The following ADGRA1 variants were observed in gnomAD, a reference collection of about 807,000 sequenced individuals.
ADGRA1 encodes the protein G-protein coupled receptor 123.
ADGRA1 carries 12 observed loss-of-function variants against 21.3 expected under a neutral mutation model. The observed-to-expected ratio is 0.56, with a 90% confidence interval of 0.36 to 0.91. ADGRA1 has a LOEUF of 0.91. ADGRA1 is among the 40% of genes least tolerant of loss of function. ADGRA1 has a pLI of 0.01. For missense variants in ADGRA1, 790 were observed against 805.6 expected (o/e 0.98, Z 0.23); for synonymous variants, 385 against 368.8 (o/e 1.04, Z -0.50).
At chr10:133,110,107 C>T (rs2135887007) in intron 5 of ADGRA1, among the ~76,000 whole-genome samples, 1 of 152,376 alleles carries the variant, frequency 6.6e-6, no homozygotes, top group East Asian at 1.9e-4. Flanking sequence ...AGGGAAAAGA[C>T]ATCCAGCAGG....
intron 2 of ADGRA1, among the ~76,000 whole-genome samples, chr10:133,089,433 G>A (rs1451106731): frequency 6.6e-6 from 1 of 152,274 alleles, no homozygotes; most frequent in African/African-American, 2.4e-5. Flanking sequence ...TGTTTCAGCG[G>A]GAAGGGGCTC....
chr10:133,095,470 G>C (rs113990831), intron 2 of ADGRA1, among the ~76,000 whole-genome samples: 42 of 152,348 alleles, frequency 2.8e-4, no homozygotes, highest in African/African-American at 1.0e-3. Context: ...TGTCACTCCA[G>C]CTCTGCGGCC....
intron 5 of ADGRA1, among the ~76,000 whole-genome samples, chr10:133,121,939 G>C (rs1179750653): frequency 6.6e-6 from 1 of 151,162 alleles, no homozygotes; most frequent in Non-Finnish European, 1.5e-5. Context: ...GCCAGTGTGT[G>C]TGTGAGTGTG....
At chr10:133,115,501 C>CG (rs1361458387) in intron 5 of ADGRA1, among the ~76,000 whole-genome samples, 1 of 152,182 alleles carries the variant, frequency 6.6e-6, no homozygotes, top group Non-Finnish European at 1.5e-5. Context: ...CATGGTAGAT[C>CG]GGGGGTACCC....
At chr10:133,116,302 G>A (rs948066555) in intron 5 of ADGRA1, among the ~76,000 whole-genome samples, 8 of 152,122 alleles carry the variant, frequency 5.3e-5, no homozygotes, top group Admixed American at 3.9e-4. Context: ...TCGGCCTGTG[G>A]GGGACCCCAA....
intron 2 of ADGRA1, among the ~76,000 whole-genome samples, chr10:133,092,522 T>C (rs931558618): frequency 7.2e-5 from 11 of 152,136 alleles, no homozygotes; most frequent in African/African-American, 2.7e-4. Flanking sequence ...AATAAATTCT[T>C]CTCCTCTACC....
chr10:133,119,007 G>A (rs1201102168), intron 5 of ADGRA1, among the ~76,000 whole-genome samples: 1 of 150,164 alleles, frequency 6.7e-6, no homozygotes, highest in Admixed American at 6.7e-5. Flanking sequence ...CTGCACACGT[G>A]CACATTGAGG....
intron 5 of ADGRA1, among the ~76,000 whole-genome samples, chr10:133,117,660 G>A (rs2135899813): frequency 6.6e-6 from 1 of 152,386 alleles, no homozygotes; most frequent in African/African-American, 2.4e-5. Context: ...GCCTGGAGAA[G>A]GGGATTGACT....
At chr10:133,111,137 T>C (rs998295374) in intron 5 of ADGRA1, among the ~76,000 whole-genome samples, 8 of 88,700 alleles carry the variant, frequency 9.0e-5, no homozygotes, top group African/African-American at 2.5e-4. Flanking sequence ...CCGCCAGGGG[T>C]GCCTCCTCTC....
chr10:133,128,552 G>C lies in ADGRA1; in HGVS notation c.724G>C (p.Gly242Arg), dbSNP rs370616856. 1.9e-6 allele frequency: 3 copies of C among 1,555,030 alleles called. No homozygotes were observed. The highest frequency in any genetic ancestry group is 1.2e-5 in the South Asian group (1 of 85,400). Residue 242 changes from glycine (G) to arginine (R), a missense_variant, in exon 7 of 7, where the codon GGC (glycine) becomes CGC (arginine). Transcript: ENST00000392607. ...CACCCCACCCGCACACGATGCCCCC[G>C]GCGCCTCCGTGCTGCAGAACGAGCA... Reference protein sequence around the residue: ...PGTPPAHDAPGASVLQNEHSF... With the variant: ...PGTPPAHDAPRASVLQNEHSF...
intron 2 of ADGRA1, chr10:133,095,685 A>G (rs1851675686): frequency 6.3e-7 from 1 of 1,597,584 alleles, no homozygotes; most frequent in Non-Finnish European, 8.5e-7. Context: ...CTCTCTAGCC[A>G]GCCAGGGCCT....
intron 5 of ADGRA1, among the ~76,000 whole-genome samples, chr10:133,123,720 C>G (rs924592520): frequency 2.3e-4 from 35 of 152,116 alleles, no homozygotes; most frequent in East Asian, 1.7e-3. Context: ...TCCCTCCCCC[C>G]CCCCGGCACC....
At chr10:133,124,851 C>CGGCCCT (rs1001319408) in intron 5 of ADGRA1, among the ~76,000 whole-genome samples, 1 of 146,292 alleles carries the variant, frequency 6.8e-6, no homozygotes, top group African/African-American at 2.6e-5. Flanking sequence ...GCCCCGGCCC[C>CGGCCCT]GGCCCCGCGC....
chr10:133,122,225 C>A (rs534874724), intron 5 of ADGRA1, among the ~76,000 whole-genome samples: 1 of 152,234 alleles, frequency 6.6e-6, no homozygotes, highest in East Asian at 1.9e-4. Flanking sequence ...AGGACCTTTT[C>A]GCTCAGGCTG....
At position 133,102,104 on chromosome 10, in the gene ADGRA1, C is replaced by T. The variant is rs532533571; in HGVS notation, c.256-593C>T. ...CAGTGTGGCCCTCGTAATAAGCAAA[C>T]GCAGGAAGTTTCCATAGCAATGAGG... On this transcript the variant is annotated intron_variant, in intron 4 of 6. Coordinates refer to ENST00000392607, the MANE Select transcript of ADGRA1 (RefSeq NM_001083909.3). The T allele has an allele frequency of 7.0e-5, 29 of 413,306 alleles. 2 individuals are homozygous for T. Among genetic ancestry groups the T allele is most frequent in the African/African-American group, 3.9e-4 (19 of 48,344 alleles). The allele number at this position is 413,306 out of a possible 1,614,324, so 25.6% of individuals were successfully genotyped here. A position where few individuals can be genotyped will look rare whatever the true frequency, so the allele number is the denominator to read the frequency against.
At chr10:133,088,613 CAG>C (rs1851544294) in intron 1 of ADGRA1, 93 bp from the exon 2 acceptor site, 3 of 792,494 alleles carry the variant, frequency 3.8e-6, no homozygotes, top group South Asian at 1.3e-4. Flanking sequence ...GAGGGAGCGA[CAG>C]GGGCCGCGGC....
intron 5 of ADGRA1, among the ~76,000 whole-genome samples, chr10:133,126,180 C>G (rs1285422667): frequency 1.3e-5 from 2 of 152,266 alleles, no homozygotes; most frequent in African/African-American, 4.8e-5. Flanking sequence ...AGTGTCTACT[C>G]TCCCTCCACC....
chr10:133,108,950 C>T (rs1256486983), intron 5 of ADGRA1, among the ~76,000 whole-genome samples: 17 of 149,508 alleles, frequency 1.1e-4, no homozygotes, highest in Non-Finnish European at 1.9e-4. Context: ...CAGCTCCACC[C>T]GTCCCCTCAT....
At chr10:133,122,539 T>C (rs1410645771) in intron 5 of ADGRA1, among the ~76,000 whole-genome samples, 1 of 152,260 alleles carries the variant, frequency 6.6e-6, no homozygotes, top group Non-Finnish European at 1.5e-5. Context: ...TTCTTGTCTC[T>C]TTCTTCTTTT....
Sources: gnomAD v4.1 joint callset for allele counts (sites outside exome capture counted in the v4.1 genomes callset) on GRCh38, gnomAD v4.1.1 for gene constraint, MANE v1.5 for transcripts, NCBI Gene and HGNC (gene_info 2026-07-23, HGNC 2026-07-21) for gene names.